The following BTF3L4 variants were observed in gnomAD, a reference collection of about 807,000 sequenced individuals.
The protein encoded by BTF3L4 is basic transcription factor 3 like 4.
A neutral mutation model predicts 16.8 loss-of-function variants in BTF3L4; 6 were observed. The ratio of observed to expected loss-of-function variants is 0.36; its 90% CI spans 0.20 to 0.71. BTF3L4 has a LOEUF of 0.71. BTF3L4 is among the 30% of genes least tolerant of loss of function. BTF3L4 has a pLI of 0.58. For synonymous variants in BTF3L4, 39 were observed against 59.8 expected, an observed-to-expected ratio of 0.65 and a Z score of 1.60; for missense variants, 92 against 186.9, an observed-to-expected ratio of 0.49 and a Z score of 2.96.
intron 3 of BTF3L4, among the ~76,000 whole-genome samples, chr1:52,069,302 T>A (rs1686727318): frequency 6.6e-6 from 1 of 152,172 alleles, no homozygotes; most frequent in Admixed American, 6.6e-5. Flanking sequence ...ATTTGTTACT[T>A]TATATAACCC....
At chr1:52,085,624 TGGATC>T (rs970888550) in intron 4 of BTF3L4, among the ~76,000 whole-genome samples, 3 of 151,956 alleles carry the variant, frequency 2.0e-5, no homozygotes, top group African/African-American at 7.2e-5. Context: ...CCAAGGCAGG[TGGATC>T]CCTTGAGGTC....
At chr1:52,085,208 A>G (rs1446346570) in intron 4 of BTF3L4, among the ~76,000 whole-genome samples, 4 of 151,034 alleles carry the variant, frequency 2.6e-5, no homozygotes, top group Non-Finnish European at 4.4e-5. Flanking sequence ...TTTAGTAGAG[A>G]CAGGGTTTCA....
At chr1:52,085,318 T>TTTG (rs34625670) in intron 4 of BTF3L4, among the ~76,000 whole-genome samples, 3 of 148,006 alleles carry the variant, frequency 2.0e-5, no homozygotes, top group East Asian at 4.0e-4. Flanking sequence ...TGTGCCCAGC[T>TTTG]TTGTTGTTGT....
intron 3 of BTF3L4, among the ~76,000 whole-genome samples, chr1:52,065,980 G>T (rs1216912418): frequency 6.6e-6 from 1 of 152,092 alleles, no homozygotes; most frequent in Non-Finnish European, 1.5e-5. Flanking sequence ...GGAGGTTACG[G>T]TGAGCCAAGA....
intron 3 of BTF3L4, among the ~76,000 whole-genome samples, chr1:52,068,012 T>A (rs1254167809): frequency 6.6e-6 from 1 of 152,180 alleles, no homozygotes; most frequent in Non-Finnish European, 1.5e-5. Flanking sequence ...GAAAAAAAAT[T>A]ATACCTTCCT....
chr1:52,070,053 C>A (rs1686745122), intron 3 of BTF3L4, among the ~76,000 whole-genome samples: 1 of 152,050 alleles, frequency 6.6e-6, no homozygotes, highest in Admixed American at 6.6e-5. Flanking sequence ...ACTGTCTCTA[C>A]TAAAAATACA....
intron 1 of BTF3L4, among the ~76,000 whole-genome samples, chr1:52,057,103 C>T (rs919325781): frequency 1.3e-5 from 2 of 152,184 alleles, no homozygotes; most frequent in Non-Finnish European, 2.9e-5. Context: ...GGTGTTATAC[C>T]TTTCCAAATG....
At chr1:52,086,088 A>G (rs1245771053) in intron 4 of BTF3L4, 24 bp from the exon 5 acceptor site, 1 of 1,528,548 alleles carries the variant, frequency 6.5e-7, no homozygotes, top group Admixed American at 1.8e-5. Context: ...CTCAATGACT[A>G]ATATTAAAAT....
intron 5 of BTF3L4, chr1:52,086,485 A>G: frequency 2.1e-6 from 1 of 484,708 alleles, no homozygotes; most frequent in Non-Finnish European, 3.7e-6. Flanking sequence ...TCACCTCAGT[A>G]ATTTGCATAG....
intron 5 of BTF3L4, 31 bp downstream of exon 5, chr1:52,086,202 T>G: frequency 1.9e-6 from 3 of 1,548,474 alleles, no homozygotes; most frequent in Non-Finnish European, 2.7e-6. Flanking sequence ...CTTAAGATTT[T>G]AAGCATCCTG....
At chr1:52,061,324 A>G (rs1288957010) in intron 2 of BTF3L4, among the ~76,000 whole-genome samples, 1 of 151,926 alleles carries the variant, frequency 6.6e-6, no homozygotes, top group Non-Finnish European at 1.5e-5. Context: ...CCCTGTCTCC[A>G]CTAAAAGTAC....
chr1:52,062,030 A>G (rs1356991163), intron 2 of BTF3L4, among the ~76,000 whole-genome samples: 3 of 149,488 alleles, frequency 2.0e-5, no homozygotes, highest in Non-Finnish European at 4.5e-5. Context: ...TCCGCCTCCC[A>G]GGTTCATGTC....
At chr1:52,086,622 T>C in intron 5 of BTF3L4, 90 bp from the exon 6 acceptor site, 1 of 754,544 alleles carries the variant, frequency 1.3e-6, no homozygotes, top group Non-Finnish European at 2.2e-6. Flanking sequence ...ACTAATTTTA[T>C]TTTTTCGGGG....
intron 1 of BTF3L4, among the ~76,000 whole-genome samples, chr1:52,056,684 C>T (rs2783190): frequency 0.91 from 139,319 of 152,296 alleles, 64,736 homozygotes; most frequent in Non-Finnish European, 1. Context: ...ACTCCTTGCT[C>T]ACAACAGCAG....
At chr1:52,076,552 C>T (rs192105662) in intron 3 of BTF3L4, among the ~76,000 whole-genome samples, 12 of 150,986 alleles carry the variant, frequency 7.9e-5, no homozygotes, top group African/African-American at 2.4e-4. Flanking sequence ...CGAGATCGCA[C>T]CACTGCACTC....
In BTF3L4 at chr1:52,086,990, GT is replaced by G. The variant is rs1175028293; in HGVS notation, c.*236del. 2.8e-5 allele frequency: 11 copies of G among 399,600 alleles called. No homozygotes were observed. The highest frequency in any genetic ancestry group is 4.2e-5 in the African/African-American group (2 of 47,804). 24.8% of individuals were successfully genotyped at this position (399,600 alleles called of 1,614,324 possible). A position where few individuals can be genotyped will look rare whatever the true frequency, so the allele number is the denominator to read the frequency against. ...TGAAGTATTGGTGCAGTTTGAGGGT[GT>G]TTTGGTTTTTGATTCCTGGTTTTTT... On this transcript the variant is annotated 3_prime_UTR_variant, in exon 6 of 6. Transcript: ENST00000313334.
chr1:52,085,965 A>C (rs1456601484), intron 4 of BTF3L4, 147 bp from the exon 5 acceptor site: 3 of 467,300 alleles, frequency 6.4e-6, no homozygotes, highest in Non-Finnish European at 7.3e-6. Flanking sequence ...ACTCAAGCAA[A>C]AAATATGAAT....
chr1:52,063,744 C>G (rs921058319), intron 2 of BTF3L4, among the ~76,000 whole-genome samples: 2 of 152,172 alleles, frequency 1.3e-5, no homozygotes, highest in Admixed American at 6.5e-5. Context: ...CCTGTTTGCT[C>G]AGGCCAAGAT....
chr1:52,088,177 G>T lies in BTF3L4; in HGVS notation c.*1419G>T, dbSNP rs1643988937. 6.6e-6 allele frequency: 1 copy of T among 152,450 alleles called. No individual in the cohort carries two copies. Among genetic ancestry groups the T allele is most frequent in the Non-Finnish European group, 1.5e-5 (1 of 68,012 alleles). The allele number at this position is 152,450 out of a possible 1,614,324, so 9.4% of individuals were successfully genotyped here. ...CATCAAACTAATACAGCTTAACCTT[G>T]CAGCTACCAACTTTTGTGTCAAGCT... On this transcript the variant is annotated 3_prime_UTR_variant, in exon 6 of 6. Coordinates refer to ENST00000313334, the MANE Select transcript of BTF3L4 (RefSeq NM_152265.5).
Sources: allele counts gnomAD v4.1 joint callset (sites outside exome capture counted in the v4.1 genomes callset), GRCh38; gene constraint gnomAD v4.1.1; transcripts MANE v1.5; gene names NCBI Gene and HGNC (gene_info 2026-07-23, HGNC 2026-07-21).